The following CNTN5 variants were observed in gnomAD, a reference collection of about 807,000 sequenced individuals.
The protein encoded by CNTN5 is contactin 5.
A neutral mutation model predicts 129.1 loss-of-function variants in CNTN5; 77 were observed. That is an observed-to-expected ratio of 0.60 (90% CI 0.50 to 0.72). CNTN5 has a LOEUF of 0.72. CNTN5 is among the 30% of genes least tolerant of loss of function. The probability of loss-of-function intolerance (pLI) is 0.00; values close to 1 mark genes in which losing one functional copy is unlikely to be tolerated. For synonymous variants in CNTN5, 509 were observed against 465.6 expected, an observed-to-expected ratio of 1.09 and a Z score of -1.20; for missense variants, 1,478 against 1,328.8, an observed-to-expected ratio of 1.11 and a Z score of -1.75.
chr11:99,491,609 A>G (rs966607790), intron 2 of CNTN5, among the ~76,000 whole-genome samples: 1 of 152,114 alleles, frequency 6.6e-6, no homozygotes, highest in Non-Finnish European at 1.5e-5. Flanking sequence ...TTAATTAATG[A>G]TTCATCGAAT....
intron 1 of CNTN5, among the ~76,000 whole-genome samples, chr11:99,160,507 A>C (rs1003592483): frequency 6.6e-6 from 1 of 152,212 alleles, no homozygotes; most frequent in East Asian, 1.9e-4. Flanking sequence ...TCACCTAAAC[A>C]TATCACTAGG....
intron 6 of CNTN5, among the ~76,000 whole-genome samples, chr11:99,883,782 A>C (rs1016957999): frequency 1.4e-4 from 22 of 152,182 alleles, no homozygotes; most frequent in Non-Finnish European, 1.0e-4. Flanking sequence ...GGAGAGCCCC[A>C]AAACTAAATC....
chr11:99,646,831 A>G (rs1951981807), intron 3 of CNTN5, among the ~76,000 whole-genome samples: 1 of 151,612 alleles, frequency 6.6e-6, no homozygotes, highest in Admixed American at 6.6e-5. Context: ...AAAAAAAGGA[A>G]AAAAACCCTA....
At chr11:100,107,986 A>ATT (rs35920036) in intron 13 of CNTN5, among the ~76,000 whole-genome samples, 21,628 of 142,334 alleles carry the variant, frequency 0.15, 1,672 homozygotes, top group Admixed American at 0.18. Flanking sequence ...AGTGGGGATA[A>ATT]TTTTTTTTTT....
At chr11:100,058,068 C>A (rs1943307899) in intron 9 of CNTN5, among the ~76,000 whole-genome samples, 2 of 152,048 alleles carry the variant, frequency 1.3e-5, no homozygotes, top group Non-Finnish European at 1.5e-5. Flanking sequence ...GAATATGTAA[C>A]CAGCTGTGAT....
At chr11:99,720,055 A>G (rs1282783264) in intron 3 of CNTN5, among the ~76,000 whole-genome samples, 1 of 152,104 alleles carries the variant, frequency 6.6e-6, no homozygotes, top group Non-Finnish European at 1.5e-5. Context: ...CAACAACAAA[A>G]AAAACCCTGG....
Position 99,275,906 on chromosome 11 carries a change from T to G in CNTN5, c.-209-49440T>G, listed in dbSNP as rs970312368. Among the ~76,000 whole-genome samples the G allele has an allele frequency of 2.6e-5, 4 of 151,632 alleles. No individual in the cohort carries two copies. The East Asian group carries it at 5.8e-4, about 22-fold the overall frequency. Reference sequence around the variant, plus strand: ...GATGGGAGATGCTGCAAAACCACATTGAAAGAACATGGATACAGAAAGAGA... The same window carrying G: ...GATGGGAGATGCTGCAAAACCACATGGAAAGAACATGGATACAGAAAGAGA... On this transcript the variant is annotated intron_variant, in intron 1 of 24. Transcript: ENST00000524871.
chr11:99,962,352 C>T (rs1235413438), intron 8 of CNTN5, among the ~76,000 whole-genome samples: 1 of 149,112 alleles, frequency 6.7e-6, no homozygotes, highest in Non-Finnish European at 1.5e-5. Flanking sequence ...GTACCCCGTC[C>T]TGTGTCCATG....
chr11:99,036,184 A>G (rs919942200), intron 1 of CNTN5, among the ~76,000 whole-genome samples: 1 of 152,068 alleles, frequency 6.6e-6, no homozygotes, highest in Admixed American at 6.6e-5. Flanking sequence ...CAGAAATGCC[A>G]TACAGTTGCT....
intron 8 of CNTN5, among the ~76,000 whole-genome samples, chr11:99,965,030 G>T: frequency 6.6e-6 from 1 of 151,738 alleles, no homozygotes; most frequent in East Asian, 1.9e-4. Context: ...TTTTTATTGC[G>T]TCTATTTGAT....
At chr11:99,902,942 A>G in intron 6 of CNTN5, among the ~76,000 whole-genome samples, 1 of 152,192 alleles carries the variant, frequency 6.6e-6, no homozygotes, top group Non-Finnish European at 1.5e-5. Flanking sequence ...AGATAAGTTG[A>G]AAATTGATCA....
intron 1 of CNTN5, among the ~76,000 whole-genome samples, chr11:99,265,689 T>C (rs1862852278): frequency 6.6e-6 from 1 of 152,044 alleles, no homozygotes; most frequent in South Asian, 2.1e-4. Context: ...CCAACTCATA[T>C]TTATATTTAT....
At chr11:100,151,116 G>A (rs1035645246) in intron 13 of CNTN5, among the ~76,000 whole-genome samples, 7 of 152,136 alleles carry the variant, frequency 4.6e-5, no homozygotes, top group African/African-American at 1.7e-4. Context: ...CTCTCTGTCT[G>A]TGGTATTTTG....
intron 2 of CNTN5, among the ~76,000 whole-genome samples, chr11:99,447,919 C>T (rs975390187): frequency 4.0e-5 from 6 of 151,722 alleles, no homozygotes; most frequent in South Asian, 2.1e-4. Flanking sequence ...GGCGAGACTC[C>T]GTCTAAAAAT....
At chr11:99,951,677 T>C (rs1030680404) in intron 7 of CNTN5, among the ~76,000 whole-genome samples, 5 of 152,140 alleles carry the variant, frequency 3.3e-5, no homozygotes, top group Non-Finnish European at 5.9e-5. Flanking sequence ...AAAAATGATC[T>C]TTTTCTCTTT....
At chr11:100,158,416 A>G (rs1947328906) in intron 13 of CNTN5, among the ~76,000 whole-genome samples, 1 of 151,934 alleles carries the variant, frequency 6.6e-6, no homozygotes, top group Non-Finnish European at 1.5e-5. Context: ...AAGGTGATGC[A>G]TATATAACAT....
intron 3 of CNTN5, among the ~76,000 whole-genome samples, chr11:99,724,745 A>AT (rs1943282288): frequency 6.6e-6 from 1 of 152,164 alleles, no homozygotes; most frequent in Admixed American, 6.5e-5. Context: ...GCTGAATAAC[A>AT]GTATCTGACA....
chr11:100,190,379 A>C (rs1455108685), intron 13 of CNTN5, among the ~76,000 whole-genome samples: 4 of 152,120 alleles, frequency 2.6e-5, no homozygotes, highest in African/African-American at 9.7e-5. Context: ...GTACTAATTA[A>C]ATTTGAAATC....
intron 1 of CNTN5, among the ~76,000 whole-genome samples, chr11:99,050,200 G>A (rs1011978632): frequency 6.6e-6 from 1 of 152,000 alleles, no homozygotes; most frequent in East Asian, 1.9e-4. Context: ...TCTTCCTGAT[G>A]AAATGTATTG....
Sources: gnomAD v4.1 joint callset for allele counts (sites outside exome capture counted in the v4.1 genomes callset) on GRCh38, gnomAD v4.1.1 for gene constraint, MANE v1.5 for transcripts, NCBI Gene and HGNC (gene_info 2026-07-23, HGNC 2026-07-21) for gene names.